The following UTP20 variants were observed in gnomAD, a reference collection of about 807,000 sequenced individuals.
UTP20 encodes small subunit processome component 20 homolog.
UTP20 carries 164 observed loss-of-function variants against 329.5 expected under a neutral mutation model. The observed-to-expected ratio is 0.50, with a 90% CI of 0.44 to 0.57. UTP20 has a LOEUF of 0.57. UTP20 is among the 20% of genes least tolerant of loss of function. The pLI is 0.00. For missense variants in UTP20, 3,055 were observed against 3,284.2 expected, an observed-to-expected ratio of 0.93 and a Z score of 1.71; for synonymous variants, 1,151 against 1,159.3, an observed-to-expected ratio of 0.99 and a Z score of 0.14.
chr12:101,352,148 A>G lies in UTP20; in HGVS notation c.4978A>G (p.Ile1660Val). The change falls in exon 39 of 62, where the codon ATT (isoleucine) becomes GTT (valine). Residue 1660 changes from isoleucine to valine, a missense_variant. This residue lies in a region of UTP20 where 2,445 missense variants were observed against 2,575.5 expected (regional missense o/e 0.95). Transcript: ENST00000261637. ...SAYMYYLKHF[I>V]HVLQTGQINQ... ...GTATATGTATTACTTGAAACATTTC[A>G]TTCATGTCTTACAAACGGGACAGAT... The G allele has an allele frequency of 6.2e-7, 1 of 1,613,878 alleles. No homozygotes were observed. The highest frequency in any genetic ancestry group is 8.5e-7 in the Non-Finnish European group (1 of 1,179,976).
intron 27 of UTP20, among the ~76,000 whole-genome samples, chr12:101,330,721 G>A (rs933520895): frequency 2.0e-5 from 3 of 152,200 alleles, no homozygotes; most frequent in African/African-American, 7.2e-5. Context: ...TGCCTGTGTA[G>A]TGCCTTCACA....
At chr12:101,349,404 C>CT (rs148469573) in intron 38 of UTP20, among the ~76,000 whole-genome samples, 1 of 146,700 alleles carries the variant, frequency 6.8e-6, no homozygotes. Context: ...TGAAAATTTT[C>CT]TTTTTTTTTC....
Position 101,356,959 on chromosome 12 carries a change from C to T in UTP20, c.5568C>T (p.Asn1856=), listed in dbSNP as rs767086907. 7 of 1,613,546 alleles carry T rather than the reference C, an allele frequency of 4.3e-6. No individual in the cohort carries two copies. The East Asian group carries it at 1.3e-4, about 31-fold the overall frequency. The stretch of plus-strand genomic sequence containing the variant: ...TGAAAGTGTGTGCCCTACTCAAGAA[C>T]AGAGCCCAAGAAATCAGAGACATTG... The part of the protein sequence containing the change: ...ILLKVCALLK[N]RAQEIRDIAR... The change falls in exon 43 of 62, where the codon AAC becomes AAT. Residue 1856 remains asparagine, a synonymous_variant. Coordinates refer to ENST00000261637, the MANE Select transcript of UTP20 (RefSeq NM_014503.3).
At chr12:101,342,737 AAAGTT>A (rs1249244849) in intron 33 of UTP20, 45 bp from the exon 34 acceptor site, 3 of 1,585,494 alleles carry the variant, frequency 1.9e-6, no homozygotes, top group Admixed American at 1.7e-5. Flanking sequence ...GGAGGGCAGA[AAAGTT>A]AAAGTTTTAT....
intron 38 of UTP20, 80 bp downstream of exon 38, chr12:101,346,668 GT>G: frequency 7.2e-7 from 1 of 1,395,022 alleles, no homozygotes; most frequent in Admixed American, 2.5e-5. Context: ...GGAGTTGGTG[GT>G]GTTTGTGTTG....
chr12:101,385,984 A>G lies in UTP20; in HGVS notation c.8219A>G (p.Asp2740Gly). The change falls in exon 62 of 62, where the codon GAT becomes GGT. Residue 2740 changes from aspartate to glycine, a missense_variant. Transcript: ENST00000261637. ...CTTTTCCAGTTTGTAACTAATCCTG[A>G]TATTGCTGCCAAGAAAAAAATGAAG... ...RKALEFVTNP[D>G]IAAKKKMKKH... is the part of the protein sequence containing the mutation. The G allele has an allele frequency of 6.3e-7, 1 of 1,591,970 alleles. No homozygotes were observed. The highest frequency in any genetic ancestry group is 1.1e-5 in the South Asian group (1 of 88,074).
Position 101,356,999 on chromosome 12 carries a change from G to A in UTP20, c.5608G>A (p.Ala1870Thr). The A allele has an allele frequency of 6.2e-7, 1 of 1,614,104 alleles. No individual in the cohort carries two copies. The highest frequency in any genetic ancestry group is 8.5e-7 in the Non-Finnish European group (1 of 1,179,988). The change falls in exon 43 of 62, where the codon GCG becomes ACG. Residue 1870 changes from alanine to threonine, a missense_variant. Transcript: ENST00000261637. The stretch of plus-strand genomic sequence containing the variant: ...CAGAGACATTGCACGCAGCACTCTT[G>A]CGAAAATAATAGAGGATCTTGGTGT... ...EIRDIARSTL[A>T]KIIEDLGVHF...
chr12:101,352,048 T>C lies in UTP20; in HGVS notation c.4885-7T>C, dbSNP rs1200680760. ...TTCTGCATTGATGTTCTTGATTTGTTTTACAGCATGAAAATATAACCACTG... is the reference window on the plus strand; with the variant it reads ...TTCTGCATTGATGTTCTTGATTTGTCTTACAGCATGAAAATATAACCACTG... On this transcript the variant is annotated splice_polypyrimidine_tract_variant and splice_region_variant and intron_variant, in intron 38 of 61. Coordinates refer to ENST00000261637, the MANE Select transcript of UTP20 (RefSeq NM_014503.3). The C allele has an allele frequency of 6.2e-7, 1 of 1,613,008 alleles. No individual in the cohort carries two copies. The highest frequency in any genetic ancestry group is 1.7e-5 in the Admixed American group (1 of 59,932).
intron 56 of UTP20, among the ~76,000 whole-genome samples, chr12:101,377,069 C>T (rs1302973186): frequency 6.6e-6 from 1 of 152,206 alleles, no homozygotes; most frequent in African/African-American, 2.4e-5. Context: ...GCATGAGCCA[C>T]TGTGCCCAGC....
chr12:101,330,168 T>G (rs1868712861), intron 27 of UTP20, among the ~76,000 whole-genome samples: 1 of 151,808 alleles, frequency 6.6e-6, no homozygotes, highest in Admixed American at 6.6e-5. Flanking sequence ...AGTGTAGGGG[T>G]GGATAGGTGC....
At position 101,386,039 on chromosome 12, in the gene UTP20, G is replaced by GAGAA. The variant is rs769080375; in HGVS notation, c.8278_8281dup (p.Ile2761LysfsTer10). ...ACAAAAATAAAAGTGAAGCAAAGAA[G>GAGAA]AGAAAGATAGAGTTCCTGCGTCCAG... On this transcript the variant is annotated frameshift_variant, in exon 62 of 62. Coordinates refer to ENST00000261637, the MANE Select transcript of UTP20 (RefSeq NM_014503.3). LOFTEE classifies it high-confidence loss of function. 2 of 1,610,272 alleles carry GAGAA rather than the reference G, an allele frequency of 1.2e-6. No homozygotes were observed. Among genetic ancestry groups the GAGAA allele is most frequent in the Non-Finnish European group, 1.7e-6 (2 of 1,179,352 alleles).
At chr12:101,298,864 CTTTGTT>C (rs1163399049) in intron 12 of UTP20, among the ~76,000 whole-genome samples, 1 of 150,378 alleles carries the variant, frequency 6.6e-6, no homozygotes, top group East Asian at 1.9e-4. Flanking sequence ...AATTTTTTTT[CTTTGTT>C]TTTGTTTTTT....
At chr12:101,327,371 C>A (rs1868605089) in intron 26 of UTP20, 124 bp downstream of exon 26, 2 of 995,734 alleles carry the variant, frequency 2.0e-6, no homozygotes, top group African/African-American at 1.6e-5. Context: ...ATCTTGATGG[C>A]AATCTTTTTG....
At chr12:101,310,577 C>CAAAAAAAA (rs549641642) in intron 19 of UTP20, among the ~76,000 whole-genome samples, 750 of 44,310 alleles carry the variant, frequency 0.017, 108 homozygotes, top group African/African-American at 0.055. Flanking sequence ...CTCTGTCTCC[C>CAAAAAAAA]AAAAAAAAAA....
intron 17 of UTP20, among the ~76,000 whole-genome samples, chr12:101,307,470 C>T (rs1025351558): frequency 7.9e-5 from 12 of 152,006 alleles, no homozygotes; most frequent in African/African-American, 1.5e-4. Context: ...TCCACCTCCC[C>T]GGCTCAAGCG....
At chr12:101,332,136 G>A (rs1212976449) in intron 27 of UTP20, among the ~76,000 whole-genome samples, 3 of 152,040 alleles carry the variant, frequency 2.0e-5, no homozygotes, top group East Asian at 1.9e-4. Flanking sequence ...TGGGGAGTTC[G>A]AGACCAGCCT....
chr12:101,374,741 T>C, intron 54 of UTP20, 67 bp from the exon 55 acceptor site: 2 of 781,250 alleles, frequency 2.6e-6, no homozygotes, highest in African/African-American at 1.7e-5. Context: ...TGCCCACCTT[T>C]ATTTTACAGT....
chr12:101,361,389 T>C lies in UTP20; in HGVS notation c.5692-573T>C, dbSNP rs368710654. 5.3e-5 allele frequency among the ~76,000 whole-genome samples: 8 copies of C among 152,162 alleles called. No individual in the cohort carries two copies. The East Asian group carries it at 1.5e-3, about 29-fold the overall frequency. On this transcript the variant is annotated intron_variant, in intron 43 of 61. Transcript: ENST00000261637. ...CTGTAATCGCAGCACTTAGGGAGGC[T>C]GAGGCAGGCAAATCACCTGTGGTCA...
intron 25 of UTP20, 26 bp from the exon 26 acceptor site, chr12:101,327,055 C>A: frequency 6.4e-7 from 1 of 1,571,260 alleles, no homozygotes; most frequent in South Asian, 1.2e-5. Context: ...AATGTGCAAA[C>A]AAATAATGTG....
Sources: gnomAD v4.1 joint callset for allele counts (sites outside exome capture counted in the v4.1 genomes callset) on GRCh38, gnomAD v4.1.1 for gene constraint, gnomAD v4.1.1 regional missense constraint, MANE v1.5 for transcripts, NCBI Gene and HGNC (gene_info 2026-07-23, HGNC 2026-07-21) for gene names.